ZNF385D: variants seen among roughly 807,000 people sequenced by gnomAD.
ZNF385D encodes the protein zinc finger protein 385D, also known as zinc finger protein 659.
Under a neutral mutation model 35.8 loss-of-function variants are expected in ZNF385D, and 15 were observed. The observed-to-expected ratio is 0.42, with a 90% CI of 0.28 to 0.64. The LOEUF (loss-of-function observed/expected upper bound fraction) is 0.64, where lower values mean the gene tolerates loss of function less well. Among genes scored for constraint, ZNF385D ranks in the 30% least tolerant of loss-of-function variants. The pLI is 0.23. For missense variants in ZNF385D, 474 were observed against 494.6 expected (o/e 0.96, Z 0.39); for synonymous variants, 212 against 186.8 (o/e 1.13, Z -1.10).
intron 1 of ZNF385D, among the ~76,000 whole-genome samples, chr3:21,736,783 G>T (rs2069263611): frequency 6.6e-6 from 1 of 152,136 alleles, no homozygotes; most frequent in Non-Finnish European, 1.5e-5. Flanking sequence ...ACAAATCCAT[G>T]CTCTAAGAGG....
At chr3:21,470,776 A>G (rs1257304432) in intron 4 of ZNF385D, among the ~76,000 whole-genome samples, 1 of 152,078 alleles carries the variant, frequency 6.6e-6, no homozygotes, top group African/African-American at 2.4e-5. Flanking sequence ...TTGAGTTTTG[A>G]CAAAGTCAAA....
intron 3 of ZNF385D, among the ~76,000 whole-genome samples, chr3:21,910,709 G>A (rs1699921303): frequency 6.6e-6 from 1 of 151,476 alleles, no homozygotes; most frequent in African/African-American, 2.4e-5. Context: ...AAAGTAACAT[G>A]CATGGGCCAG....
At chr3:21,888,888 G>A (rs1698691233) in intron 3 of ZNF385D, among the ~76,000 whole-genome samples, 1 of 152,232 alleles carries the variant, frequency 6.6e-6, no homozygotes, top group Non-Finnish European at 1.5e-5. Context: ...GCTACAGCCA[G>A]TGACTTGCTC....
chr3:21,505,129 T>G (rs1706675145), intron 4 of ZNF385D, among the ~76,000 whole-genome samples: 1 of 152,106 alleles, frequency 6.6e-6, no homozygotes, highest in Admixed American at 6.6e-5. Context: ...ATCTGGGAAG[T>G]GCAGAACTCA....
chr3:22,141,874 C>G (rs955595237), intron 3 of ZNF385D, among the ~76,000 whole-genome samples: 51 of 152,212 alleles, frequency 3.4e-4, no homozygotes, highest in African/African-American at 1.2e-3. Flanking sequence ...GTTCAGTGAT[C>G]TTTATCCCAA....
At chr3:21,736,974 C>A (rs1213488935) in intron 1 of ZNF385D, among the ~76,000 whole-genome samples, 5 of 152,158 alleles carry the variant, frequency 3.3e-5, no homozygotes, top group Admixed American at 3.3e-4. Flanking sequence ...GAGTCTCGCT[C>A]CGTCGCCCAG....
chr3:21,432,026 A>T (rs947204068), intron 5 of ZNF385D, among the ~76,000 whole-genome samples: 3 of 152,180 alleles, frequency 2.0e-5, no homozygotes, highest in Non-Finnish European at 4.4e-5. Context: ...ATCAATACAG[A>T]TTGATGAACA....
At chr3:22,174,225 C>A (rs138800431) in intron 2 of ZNF385D, among the ~76,000 whole-genome samples, 1 of 152,230 alleles carries the variant, frequency 6.6e-6, no homozygotes, top group East Asian at 1.9e-4. Flanking sequence ...ACTTTCCCTG[C>A]AAATAGTGTG....
At chr3:22,216,178 TTG>T (rs1334342610) in intron 2 of ZNF385D, among the ~76,000 whole-genome samples, 1 of 152,022 alleles carries the variant, frequency 6.6e-6, no homozygotes, top group African/African-American at 2.4e-5. Flanking sequence ...TTTGATCACT[TTG>T]TCTCTCCTTG....
chr3:21,428,933 C>CTTTTTTTT (rs56827844), intron 5 of ZNF385D, among the ~76,000 whole-genome samples: 2 of 112,046 alleles, frequency 1.8e-5, no homozygotes, highest in Non-Finnish European at 3.7e-5. Flanking sequence ...CCAAGAAATC[C>CTTTTTTTT]TTTTTTTTTT....
intron 2 of ZNF385D, among the ~76,000 whole-genome samples, chr3:21,634,674 C>T (rs979711912): frequency 5.3e-5 from 8 of 151,940 alleles, no homozygotes; most frequent in African/African-American, 1.4e-4. Flanking sequence ...CATAATATAA[C>T]GTTCCTGGTA....
chr3:22,352,130 T>G (rs1695943932), intron 2 of ZNF385D, among the ~76,000 whole-genome samples: 1 of 152,166 alleles, frequency 6.6e-6, no homozygotes, highest in Non-Finnish European at 1.5e-5. Flanking sequence ...CCTGCAAGAC[T>G]AAGAAGTCTG....
intron 3 of ZNF385D, among the ~76,000 whole-genome samples, chr3:21,562,841 A>C (rs2063002657): frequency 6.6e-6 from 1 of 151,748 alleles, no homozygotes; most frequent in Non-Finnish European, 1.5e-5. Flanking sequence ...CTTTTTTAAC[A>C]ACAGCTTGAA....
chr3:21,453,012 T>G (rs71310257), intron 4 of ZNF385D, among the ~76,000 whole-genome samples: 1 of 151,872 alleles, frequency 6.6e-6, no homozygotes, highest in Non-Finnish European at 1.5e-5. Flanking sequence ...CAGTGTGGCA[T>G]AAGAATAGAC....
chr3:21,862,779 C>G (rs1051256397), intron 3 of ZNF385D, among the ~76,000 whole-genome samples: 1 of 152,144 alleles, frequency 6.6e-6, no homozygotes, highest in Admixed American at 6.5e-5. Context: ...CCTGTTACAT[C>G]TGCTGCCACA....
intron 3 of ZNF385D, among the ~76,000 whole-genome samples, chr3:22,032,768 A>G (rs1698080412): frequency 6.6e-6 from 1 of 152,150 alleles, no homozygotes. Context: ...TAATAATACT[A>G]ATGCTTACTG....
At chr3:22,285,164 C>A (rs932479436) in intron 2 of ZNF385D, among the ~76,000 whole-genome samples, 1 of 152,108 alleles carries the variant, frequency 6.6e-6, no homozygotes, top group Non-Finnish European at 1.5e-5. Flanking sequence ...TGTTACAAAG[C>A]AAAATTAGTA....
At chr3:22,332,029 G>A (rs1237477975) in intron 2 of ZNF385D, among the ~76,000 whole-genome samples, 1 of 152,078 alleles carries the variant, frequency 6.6e-6, no homozygotes. Context: ...AAATATAGAA[G>A]AATAGTACAA....
chr3:22,262,263 A>G (rs1700671068), intron 2 of ZNF385D, among the ~76,000 whole-genome samples: 2 of 151,918 alleles, frequency 1.3e-5, no homozygotes, highest in South Asian at 2.1e-4. Context: ...TTGCATTACT[A>G]GAGGCCTTGG....
Sources: gnomAD v4.1 joint callset for allele counts (sites outside exome capture counted in the v4.1 genomes callset) on GRCh38, gnomAD v4.1.1 for gene constraint, MANE v1.5 for transcripts, NCBI Gene and HGNC (gene_info 2026-07-23, HGNC 2026-07-21) for gene names.